TSPAN11: variants seen among roughly 807,000 people sequenced by gnomAD.
The protein encoded by TSPAN11 is tetraspanin-11.
In TSPAN11, 29 loss-of-function variants were observed where a neutral mutation model predicts 32.9. That is an observed-to-expected ratio of 0.88 (90% CI 0.66 to 1.20). The LOEUF (loss-of-function observed/expected upper bound fraction) is 1.20, where lower values mean the gene tolerates loss of function less well. Ranked by LOEUF, TSPAN11 falls within the 50% of genes most tolerant of loss-of-function variation. The pLI, the probability that TSPAN11 is intolerant of heterozygous loss-of-function variation, is 0.00. For missense variants in TSPAN11, 283 were observed against 329.1 expected, an observed-to-expected ratio of 0.86 and a Z score of 1.08; for synonymous variants, 140 against 141.3, an observed-to-expected ratio of 0.99 and a Z score of 0.07.
chr12:31,011,310 C>A, the TSPAN11 span, among the ~76,000 whole-genome samples: 1 of 152,318 alleles, frequency 6.6e-6, no homozygotes, highest in African/African-American at 2.4e-5. Flanking sequence ...TTAGGCAATG[C>A]AGAATACTCA....
chr12:30,940,586 G>C (rs891703444), intron 1 of TSPAN11, among the ~76,000 whole-genome samples: 4 of 152,134 alleles, frequency 2.6e-5, no homozygotes, highest in African/African-American at 9.7e-5. Flanking sequence ...GCCAACCTGG[G>C]ATGTTTTTTA....
In TSPAN11 at chr12:30,975,541, T is replaced by C. The variant is rs1187707088; in HGVS notation, c.277-3020T>C. Among the ~76,000 whole-genome samples, 1 of 152,126 alleles carries C rather than the reference T, an allele frequency of 6.6e-6. No individual in the cohort carries two copies. Among genetic ancestry groups the C allele is most frequent in the Admixed American group, 6.5e-5 (1 of 15,272 alleles). ...CCTCCTGACCACTCCGCAGGTCAGATAGCCTGTTTGATGCCTCTGAACCAG... is the reference window on the plus strand; with the variant it reads ...CCTCCTGACCACTCCGCAGGTCAGACAGCCTGTTTGATGCCTCTGAACCAG... On this transcript the variant is annotated intron_variant, in intron 3 of 7. Coordinates refer to ENST00000546076, the MANE Select transcript of TSPAN11 (RefSeq NM_001370302.1). The surrounding 1 kb of genome is among the most constrained non-coding windows in gnomAD (Gnocchi z 4.5).
At chr12:31,016,153 G>A in the TSPAN11 span, among the ~76,000 whole-genome samples, 4 of 152,306 alleles carry the variant, frequency 2.6e-5, no homozygotes, top group Admixed American at 6.5e-5. Flanking sequence ...GAAGTCAGAC[G>A]CAAAAGGACA....
intron 1 of TSPAN11, among the ~76,000 whole-genome samples, chr12:30,933,866 T>C (rs1937986593): frequency 1.3e-5 from 2 of 152,146 alleles, no homozygotes; most frequent in African/African-American, 4.8e-5. Flanking sequence ...ATTTGAGGCC[T>C]AGAATGCTTC....
chr12:30,988,804 G>T (rs773639314), intron 7 of TSPAN11, among the ~76,000 whole-genome samples: 2 of 152,194 alleles, frequency 1.3e-5, no homozygotes, highest in South Asian at 4.1e-4. Flanking sequence ...CCTGCTGAAG[G>T]TGACACAGCC....
chr12:31,003,889 C>A, the TSPAN11 span, among the ~76,000 whole-genome samples: 1 of 152,196 alleles, frequency 6.6e-6, no homozygotes, highest in African/African-American at 2.4e-5. Flanking sequence ...ACTCCCCACT[C>A]CCACCTGCCA....
intron 3 of TSPAN11, among the ~76,000 whole-genome samples, chr12:30,966,117 C>A (rs3426): frequency 0.017 from 2,563 of 151,870 alleles, 33 homozygotes; most frequent in Non-Finnish European, 0.025. Flanking sequence ...GACAGATTCA[C>A]TGCACACAAC....
intron 3 of TSPAN11, among the ~76,000 whole-genome samples, chr12:30,976,074 C>G (rs1938964870): frequency 6.6e-6 from 1 of 152,246 alleles, no homozygotes; most frequent in East Asian, 1.9e-4. Flanking sequence ...ACAAGGATGC[C>G]TCACCCTGGG....
At chr12:30,976,444 C>A (rs1306157796) in intron 3 of TSPAN11, among the ~76,000 whole-genome samples, 1 of 152,150 alleles carries the variant, frequency 6.6e-6, no homozygotes, top group Non-Finnish European at 1.5e-5. Flanking sequence ...AACCCAAGTC[C>A]ACTGACATTT....
chr12:31,011,871 G>A, the TSPAN11 span, among the ~76,000 whole-genome samples: 2 of 152,196 alleles, frequency 1.3e-5, no homozygotes, highest in Non-Finnish European at 2.9e-5. Flanking sequence ...AGCTGGGTTG[G>A]GCTCCTTTTT....
intron 7 of TSPAN11, among the ~76,000 whole-genome samples, chr12:30,987,974 T>C (rs957379116): frequency 1.3e-5 from 2 of 152,260 alleles, no homozygotes; most frequent in African/African-American, 4.8e-5. Flanking sequence ...TGCAGAGTAC[T>C]AAACTCCCTG....
intron 7 of TSPAN11, among the ~76,000 whole-genome samples, chr12:30,989,738 A>G (rs1939272975): frequency 6.6e-6 from 1 of 152,182 alleles, no homozygotes; most frequent in Non-Finnish European, 1.5e-5. Context: ...AGGGAAACCA[A>G]TCATTTTGGA....
At chr12:30,959,552 C>T (rs574336563) in intron 2 of TSPAN11, among the ~76,000 whole-genome samples, 2 of 152,162 alleles carry the variant, frequency 1.3e-5, no homozygotes, top group Admixed American at 1.3e-4. Context: ...GCCTGAGTTA[C>T]TAGGTAACCA....
intron 3 of TSPAN11, among the ~76,000 whole-genome samples, chr12:30,969,463 T>C (rs539107564): frequency 6.6e-6 from 1 of 152,348 alleles, no homozygotes; most frequent in South Asian, 2.1e-4. Context: ...GCGTGGCTTA[T>C]GCAGTGCAGG....
chr12:30,959,646 G>A (rs1364519384), intron 2 of TSPAN11, among the ~76,000 whole-genome samples: 2 of 152,060 alleles, frequency 1.3e-5, no homozygotes, highest in East Asian at 1.9e-4. Flanking sequence ...CAGGCGTGGT[G>A]GCGCGTGCCT....
chr12:30,992,063 G>A lies in TSPAN11; in HGVS notation c.*148G>A, dbSNP rs1332146593. ...GCTCCTGCGAATCCACCGAGTGCCTGAGACCATAGCTTCTGTGCCCACCCA... is the reference window on the plus strand; with the variant it reads ...GCTCCTGCGAATCCACCGAGTGCCTAAGACCATAGCTTCTGTGCCCACCCA... On this transcript the variant is annotated 3_prime_UTR_variant, in exon 8 of 8. Transcript: ENST00000546076. 8 of 778,270 alleles carry A rather than the reference G, an allele frequency of 1.0e-5. No homozygotes were observed. The Admixed American group carries it at 1.1e-4, about 10-fold the overall frequency. 48.2% of individuals were successfully genotyped at this position (778,270 alleles called of 1,614,324 possible). A position where few individuals can be genotyped will look rare whatever the true frequency, so the allele number is the denominator to read the frequency against.
At chr12:31,006,974 C>T in the TSPAN11 span, among the ~76,000 whole-genome samples, 4 of 152,182 alleles carry the variant, frequency 2.6e-5, no homozygotes, top group Non-Finnish European at 5.9e-5. Context: ...CGCACTTGCA[C>T]GCTGCTTAGG....
At chr12:30,988,947 C>G (rs1452624368) in intron 7 of TSPAN11, among the ~76,000 whole-genome samples, 2 of 152,216 alleles carry the variant, frequency 1.3e-5, no homozygotes. Context: ...AATATTCTGG[C>G]TGGGGAACAT....
At chr12:30,986,203 C>T (rs977798227) in intron 7 of TSPAN11, among the ~76,000 whole-genome samples, 1 of 152,228 alleles carries the variant, frequency 6.6e-6, no homozygotes, top group Admixed American at 6.5e-5. Context: ...ATCAGTCCAA[C>T]ATGGTGTCAT....
Sources: allele counts gnomAD v4.1 joint callset (sites outside exome capture counted in the v4.1 genomes callset), GRCh38; gene constraint gnomAD v4.1.1; non-coding constraint Gnocchi (gnomAD v3.1); transcripts MANE v1.5; gene names NCBI Gene and HGNC (gene_info 2026-07-23, HGNC 2026-07-21).